Variants in TTLL5 observed in about 807,000 individuals in gnomAD.
TTLL5 encodes tubulin tyrosine ligase like 5, also known as tubulin polyglutamylase TTLL5.
Under a neutral mutation model 168.4 loss-of-function variants are expected in TTLL5, and 132 were observed. That is an observed-to-expected ratio of 0.78 (90% CI 0.68 to 0.91). The LOEUF is 0.91. Among genes scored for constraint, TTLL5 ranks in the 40% least tolerant of loss-of-function variants. The pLI is 0.00. For missense variants in TTLL5, 1,545 were observed against 1,581.5 expected, an observed-to-expected ratio of 0.98 and a Z score of 0.39; for synonymous variants, 546 against 558.6, an observed-to-expected ratio of 0.98 and a Z score of 0.32.
chr14:75,712,836 T>A (rs566014583), intron 9 of TTLL5, among the ~76,000 whole-genome samples: 1 of 152,314 alleles, frequency 6.6e-6, no homozygotes, highest in East Asian at 1.9e-4. Flanking sequence ...TAACTTGTGA[T>A]TTAAAAATTT....
At position 75,836,683 on chromosome 14, in the gene TTLL5, G is replaced by A. The variant is rs1273541314; in HGVS notation, c.3326+16522G>A. Among the ~76,000 whole-genome samples the A allele has an allele frequency of 2.0e-5, 3 of 151,874 alleles. No homozygotes were observed. In the East Asian group the frequency reaches 5.8e-4, roughly 29 times the overall value. On this transcript the variant is annotated intron_variant, in intron 28 of 31. Coordinates refer to ENST00000298832, the MANE Select transcript of TTLL5 (RefSeq NM_015072.5). ...ATATAACCCATAAGTATATACACCT[G>A]CTATGTATGCAAAAAAATGAAAAAT...
At chr14:75,688,619 G>A (rs1885232561) in intron 5 of TTLL5, among the ~76,000 whole-genome samples, 1 of 152,204 alleles carries the variant, frequency 6.6e-6, no homozygotes, top group African/African-American at 2.4e-5. Flanking sequence ...GGCATTGGAA[G>A]TGGGAGGCAG....
intron 31 of TTLL5, among the ~76,000 whole-genome samples, chr14:75,953,400 A>G (rs1209477786): frequency 6.6e-6 from 1 of 152,232 alleles, no homozygotes; most frequent in Non-Finnish European, 1.5e-5. Flanking sequence ...TGTATACCCA[A>G]AGAAATTCTA....
intron 28 of TTLL5, among the ~76,000 whole-genome samples, chr14:75,854,490 CT>C (rs1050753802): frequency 3.9e-5 from 6 of 152,054 alleles, no homozygotes; most frequent in Non-Finnish European, 7.4e-5. Flanking sequence ...TCTTATGCAA[CT>C]TTTTTTTAGC....
At chr14:75,841,969 C>G (rs961100915) in intron 28 of TTLL5, among the ~76,000 whole-genome samples, 2 of 152,156 alleles carry the variant, frequency 1.3e-5, no homozygotes, top group Admixed American at 6.5e-5. Context: ...TTTTTAACCA[C>G]TATGTCGTTT....
intron 6 of TTLL5, among the ~76,000 whole-genome samples, chr14:75,694,456 C>A (rs1885686496): frequency 6.6e-6 from 1 of 152,142 alleles, no homozygotes; most frequent in Non-Finnish European, 1.5e-5. Context: ...TCTGCCTCAA[C>A]CTCCTGAGTA....
rs551721601 is a variant in TTLL5, at chr14:75,737,431, A to G, written c.1281+2142A>G. ...ATAAATGTTCTAACCTTCCAACCACAAAGTGTAGGGCTCTTGCTTTTGGTT... is the reference window on the plus strand; with the variant it reads ...ATAAATGTTCTAACCTTCCAACCACGAAGTGTAGGGCTCTTGCTTTTGGTT... On this transcript the variant is annotated intron_variant, in intron 15 of 31. Transcript: ENST00000298832. 5.3e-4 allele frequency: 397 copies of G among 754,962 alleles called. 4 individuals are homozygous for G. The highest frequency in any genetic ancestry group is 4.1e-5 in the Non-Finnish European group (20 of 491,894). The allele number at this position is 754,962 out of a possible 1,614,324, so 46.8% of individuals were successfully genotyped here. A position where few individuals can be genotyped will look rare whatever the true frequency, so the allele number is the denominator to read the frequency against.
intron 27 of TTLL5, among the ~76,000 whole-genome samples, chr14:75,808,441 G>A (rs1331110294): frequency 3.3e-5 from 5 of 152,138 alleles, no homozygotes; most frequent in South Asian, 2.1e-4. Flanking sequence ...ATTGAATTGT[G>A]GCTAGTGATT....
chr14:75,906,748 G>A (rs1385934661), intron 31 of TTLL5: 1 of 981,120 alleles, frequency 1.0e-6, no homozygotes, highest in Non-Finnish European at 1.2e-6. Flanking sequence ...AAGAGACTTA[G>A]TGGCTACCAA....
At chr14:75,825,303 A>G (rs970979475) in intron 28 of TTLL5, among the ~76,000 whole-genome samples, 1 of 152,206 alleles carries the variant, frequency 6.6e-6, no homozygotes, top group Non-Finnish European at 1.5e-5. Flanking sequence ...CACTCTGGCC[A>G]TCACCCTGTG....
At chr14:75,815,316 C>A (rs549897823) in intron 27 of TTLL5, among the ~76,000 whole-genome samples, 3 of 152,188 alleles carry the variant, frequency 2.0e-5, no homozygotes, top group African/African-American at 7.2e-5. Context: ...TTAAAGTTTT[C>A]TCATTCCTTG....
intron 31 of TTLL5, among the ~76,000 whole-genome samples, chr14:75,922,484 G>C (rs1354121395): frequency 6.6e-6 from 1 of 152,194 alleles, no homozygotes; most frequent in African/African-American, 2.4e-5. Context: ...CATCTATTGA[G>C]ATAATCATGT....
chr14:75,828,274 A>G (rs1895344353), intron 28 of TTLL5, among the ~76,000 whole-genome samples: 1 of 152,112 alleles, frequency 6.6e-6, no homozygotes, highest in African/African-American at 2.4e-5. Flanking sequence ...CTTTTCTTCC[A>G]TCATCTGCCA....
intron 14 of TTLL5, 34 bp from the exon 15 acceptor site, chr14:75,735,161 T>C (rs1265308759): frequency 6.2e-7 from 1 of 1,603,058 alleles, no homozygotes; most frequent in Non-Finnish European, 8.5e-7. Flanking sequence ...TCTTAGAAAA[T>C]GGCAGGTTTT....
intron 31 of TTLL5, among the ~76,000 whole-genome samples, chr14:75,913,869 C>A (rs1382946880): frequency 6.6e-6 from 1 of 151,254 alleles, no homozygotes; most frequent in Admixed American, 6.6e-5. Context: ...CAAAAATTAG[C>A]TGGGCGTGGT....
chr14:75,669,294 A>AT, intron 2 of TTLL5, 122 bp from the exon 3 acceptor site: 1 of 827,598 alleles, frequency 1.2e-6, no homozygotes, highest in Non-Finnish European at 1.9e-6. Context: ...CCCACAGGAT[A>AT]TTTGGGATTT....
chr14:75,773,950 AGAGAGAAAGAGAGAGAG>A, intron 21 of TTLL5, among the ~76,000 whole-genome samples: 1 of 35,490 alleles, frequency 2.8e-5, no homozygotes, highest in South Asian at 1.4e-3. Flanking sequence ...AGAGAGAGAG[AGAGAGAAAGAGAGAGAG>A]AGAGAGAGAG....
intron 30 of TTLL5, among the ~76,000 whole-genome samples, chr14:75,890,146 C>T (rs1294215257): frequency 6.6e-6 from 1 of 152,112 alleles, no homozygotes; most frequent in Non-Finnish European, 1.5e-5. Context: ...AAAAAGAGTG[C>T]TTTGATAGGT....
intron 3 of TTLL5, among the ~76,000 whole-genome samples, chr14:75,676,580 C>T (rs2140106023): frequency 6.6e-6 from 1 of 152,108 alleles, no homozygotes; most frequent in Non-Finnish European, 1.5e-5. Flanking sequence ...TCTTTTTTTG[C>T]ACTACTCTTT....
Sources: gnomAD v4.1 joint callset for allele counts (sites outside exome capture counted in the v4.1 genomes callset) on GRCh38, gnomAD v4.1.1 for gene constraint, MANE v1.5 for transcripts, NCBI Gene and HGNC (gene_info 2026-07-23, HGNC 2026-07-21) for gene names.